The following GYG2 variants were observed in gnomAD, a reference collection of about 807,000 sequenced individuals.
The protein encoded by GYG2 is glycogenin-2.
GYG2 carries 29 observed loss-of-function variants against 29.4 expected under a neutral mutation model. That is an observed-to-expected ratio of 0.99 (90% CI 0.74 to 1.35). GYG2 has a LOEUF of 1.35. Ranked by LOEUF, GYG2 falls within the 40% of genes most tolerant of loss-of-function variation. The probability of loss-of-function intolerance (pLI) is 0.00; values close to 1 mark genes in which losing one functional copy is unlikely to be tolerated. For missense variants in GYG2, 370 were observed against 385.7 expected (o/e 0.96, Z 0.34); for synonymous variants, 167 against 172.3 (o/e 0.97, Z 0.24).
chrX:2,848,202 C>T (rs1179860873), intron 3 of GYG2, among the ~76,000 whole-genome samples: 2 of 111,282 alleles, frequency 1.8e-5, no homozygotes, highest in African/African-American at 6.5e-5. Flanking sequence ...CTCTAGCACG[C>T]CAGAAGCAAA....
At chrX:2,877,477 C>T (rs2088630003) in intron 10 of GYG2, 170 bp downstream of exon 10, 4 of 1,080,424 alleles carry the variant, frequency 3.7e-6, no homozygotes, top group Non-Finnish European at 3.6e-6. Context: ...TTCTCTCTGG[C>T]ATTTGCCTGG....
At chrX:2,877,455 G>A (rs993490376) in intron 10 of GYG2, 148 bp downstream of exon 10, 6 of 1,084,537 alleles carry the variant, frequency 5.5e-6, no homozygotes, top group Non-Finnish European at 7.2e-6. Context: ...CCCTGCCTCT[G>A]ATTCTTCTGT....
rs781711604 is a variant in GYG2 at position 2,844,562 on chromosome X, A to G, written c.149+1208A>G. 4.7e-3 allele frequency among the ~76,000 whole-genome samples: 380 copies of G among 80,875 alleles called. 33 individuals carry two copies. Among genetic ancestry groups the G allele is most frequent in the African/African-American group, 0.017 (340 of 19,908 alleles). The allele number at this position is 80,875 out of a possible 115,157, so 70.2% of individuals were successfully genotyped here. ...TGTGTATACGCACACGCATGCGTATATGTGTATACGCACACGCATGCGTAT... is the reference window on the plus strand; with the variant it reads ...TGTGTATACGCACACGCATGCGTATGTGTGTATACGCACACGCATGCGTAT... On this transcript the variant is annotated intron_variant, in intron 3 of 10. Transcript: ENST00000398806.
At chrX:2,880,447 C>T (rs185175020) in intron 10 of GYG2, among the ~76,000 whole-genome samples, 10 of 110,368 alleles carry the variant, frequency 9.1e-5, no homozygotes, top group East Asian at 2.8e-4. Context: ...TGTGCACATG[C>T]GCATGTGTGC....
intron 8 of GYG2, among the ~76,000 whole-genome samples, chrX:2,867,321 T>C (rs1199209107): frequency 2.7e-5 from 3 of 111,430 alleles, no homozygotes; most frequent in Admixed American, 9.5e-5. Flanking sequence ...AAGATGATAG[T>C]GCAGTGCCCA....
chrX:2,856,737 C>CTATCATCT (rs755581334), intron 6 of GYG2, 113 bp downstream of exon 6: 184 of 418,308 alleles, frequency 4.4e-4, no homozygotes, highest in Non-Finnish European at 6.3e-4. Context: ...ATCTATCTAT[C>CTATCATCT]ATCTATCTAT....
At chrX:2,840,403 C>A (rs186917094) in intron 2 of GYG2, among the ~76,000 whole-genome samples, 86 of 111,758 alleles carry the variant, frequency 7.7e-4, no homozygotes, top group Non-Finnish European at 1.5e-3. Context: ...TGCTTAGAGA[C>A]AAAAGAAGCC....
chrX:2,864,462 G>C (rs914120387), intron 8 of GYG2, among the ~76,000 whole-genome samples: 28 of 109,806 alleles, frequency 2.5e-4, no homozygotes, highest in Non-Finnish European at 4.6e-4. Context: ...GTGAGCAGAG[G>C]GGGGACTGAA....
chrX:2,847,069 T>G (rs1163710521), intron 3 of GYG2, among the ~76,000 whole-genome samples: 1 of 112,098 alleles, frequency 8.9e-6, no homozygotes, highest in African/African-American at 3.2e-5. Flanking sequence ...AAATTGCTCA[T>G]GATGAATTAA....
At chrX:2,873,522 C>CTCCTCCTCT (rs1039166787) in intron 8 of GYG2, among the ~76,000 whole-genome samples, 1 of 110,647 alleles carries the variant, frequency 9.0e-6, no homozygotes, top group East Asian at 2.9e-4. Flanking sequence ...TCTCCTCCTC[C>CTCCTCCTCT]TCCTCCTCTT....
chrX:2,879,551 CACCACA>C (rs2088672233), intron 10 of GYG2, among the ~76,000 whole-genome samples: 2 of 112,389 alleles, frequency 1.8e-5, no homozygotes, highest in South Asian at 7.3e-4. Context: ...AGGCATAAAC[CACCACA>C]CCCGGCTATC....
intron 2 of GYG2, among the ~76,000 whole-genome samples, chrX:2,839,043 A>T (rs2087440908): frequency 8.9e-6 from 1 of 112,121 alleles, no homozygotes; most frequent in Admixed American, 9.5e-5. Context: ...GTAATGGTTT[A>T]TATCTATATG....
In GYG2 at chrX:2,846,069, T is replaced by A. The variant is rs1376086709; in HGVS notation, c.149+2715T>A. ...TATATATATATATTTTTTTTTTTTT[T>A]TTTTTTTTTTTTTTTGAGACAGAGT... On this transcript the variant is annotated intron_variant, in intron 3 of 10. Transcript: ENST00000398806. 1.4e-3 allele frequency among the ~76,000 whole-genome samples: 37 copies of A among 26,664 alleles called. 3 individuals carry two copies. The highest frequency in any genetic ancestry group is 5.1e-3 in the Admixed American group (11 of 2,143). The allele number at this position is 26,664 out of a possible 115,157, so 23.2% of individuals were successfully genotyped here.
intron 3 of GYG2, among the ~76,000 whole-genome samples, chrX:2,852,413 A>T (rs1473371966): frequency 2.7e-5 from 3 of 111,379 alleles, no homozygotes; most frequent in Non-Finnish European, 5.6e-5. Flanking sequence ...ATCCTTTTCT[A>T]GCACTTGCTT....
chrX:2,863,747 A>C (rs148885514), intron 8 of GYG2, among the ~76,000 whole-genome samples: 33 of 111,726 alleles, frequency 3.0e-4, no homozygotes, highest in African/African-American at 1.1e-3. Flanking sequence ...TTCATTCCTC[A>C]TGGTGTGCCC....
chrX:2,868,051 A>T (rs1420513578), intron 8 of GYG2, among the ~76,000 whole-genome samples: 1 of 110,586 alleles, frequency 9.0e-6, no homozygotes, highest in Non-Finnish European at 1.9e-5. Context: ...AGCTGAGATC[A>T]CACCACTGCA....
At chrX:2,871,387 T>TA (rs57783115) in intron 8 of GYG2, among the ~76,000 whole-genome samples, 88 of 104,096 alleles carry the variant, frequency 8.5e-4, no homozygotes, top group African/African-American at 2.3e-3. Context: ...CTGATGCACT[T>TA]AAAAAAAAAA....
At chrX:2,860,884 C>T (rs2088146969) in intron 7 of GYG2, among the ~76,000 whole-genome samples, 1 of 110,556 alleles carries the variant, frequency 9.0e-6, no homozygotes, top group Non-Finnish European at 1.9e-5. Context: ...TGCCTACCAC[C>T]ACGCCCAGCT....
In GYG2 at chrX:2,845,158, T is replaced by G; in HGVS notation, c.149+1804T>G. Among the ~76,000 whole-genome samples the G allele has an allele frequency of 3.3e-3, 2 of 601 alleles. 1 individual carries two copies. Among genetic ancestry groups the G allele is most frequent in the Non-Finnish European group, 0.019 (2 of 107 alleles). The allele number at this position is 601 out of a possible 115,157, so 0.5% of individuals were successfully genotyped here. A position where few individuals can be genotyped will look rare whatever the true frequency, so the allele number is the denominator to read the frequency against. On this transcript the variant is annotated intron_variant, in intron 3 of 10. Coordinates refer to ENST00000398806, the MANE Select transcript of GYG2 (RefSeq NM_001079855.2). ...GTGTATGTATATTTATATACACGTGTGTATGTATATTTATATACACGTGTG... is the reference window on the plus strand; with the variant it reads ...GTGTATGTATATTTATATACACGTGGGTATGTATATTTATATACACGTGTG...
Sources: gnomAD v4.1 joint callset for allele counts (sites outside exome capture counted in the v4.1 genomes callset) on GRCh38, gnomAD v4.1.1 for gene constraint, MANE v1.5 for transcripts, NCBI Gene and HGNC (gene_info 2026-07-23, HGNC 2026-07-21) for gene names.